The following CCM2 variants were observed in gnomAD, a reference collection of about 807,000 sequenced individuals.
The protein encoded by CCM2 is cerebral cavernous malformations 2 protein.
Under a neutral mutation model 44.9 loss-of-function variants are expected in CCM2, and 25 were observed. That is an observed-to-expected ratio of 0.56 (90% CI 0.41 to 0.78). The LOEUF (loss-of-function observed/expected upper bound fraction) is 0.78. Among genes scored for constraint, CCM2 ranks in the 30% least tolerant of loss-of-function variants. CCM2 has a pLI of 0.00. For synonymous variants in CCM2, 219 were observed against 241.1 expected (o/e 0.91, Z 0.85); for missense variants, 481 against 580.6 (o/e 0.83, Z 1.76).
intron 2 of CCM2, among the ~76,000 whole-genome samples, chr7:45,042,395 G>GT (rs1797556021): frequency 6.6e-6 from 1 of 152,104 alleles, no homozygotes; most frequent in South Asian, 2.1e-4. Flanking sequence ...GATCTTATGG[G>GT]TTGAAACGTT....
intron 1 of CCM2, among the ~76,000 whole-genome samples, chr7:45,003,473 A>G (rs1795726109): frequency 1.3e-5 from 2 of 152,108 alleles, no homozygotes; most frequent in South Asian, 4.2e-4. Flanking sequence ...GGTTGGGTGT[A>G]GGTAATCCTA....
chr7:45,018,455 C>G (rs2128717577), intron 1 of CCM2, among the ~76,000 whole-genome samples: 1 of 152,050 alleles, frequency 6.6e-6, no homozygotes, highest in East Asian at 1.9e-4. Context: ...CTCCTGGGTT[C>G]AAGTGATTCT....
chr7:45,074,201 C>T, intron 8 of CCM2, 69 bp from the exon 9 acceptor site: 1 of 1,607,670 alleles, frequency 6.2e-7, no homozygotes, highest in Non-Finnish European at 8.5e-7. Flanking sequence ...GTGGCTGTGG[C>T]AAGGTGGGCC....
At position 45,029,010 on chromosome 7, in the gene CCM2, G is replaced by T. The variant is rs553222692; in HGVS notation, c.31-9243G>T. On this transcript the variant is annotated intron_variant, in intron 1 of 9. Transcript: ENST00000258781. Reference sequence around the variant, plus strand: ...TGGGACTATAGCCTATCACTGTCCAGCTGGACAGAATCATCGCTCCAGGTT... The same window carrying T: ...TGGGACTATAGCCTATCACTGTCCATCTGGACAGAATCATCGCTCCAGGTT... Among the ~76,000 whole-genome samples, 5 of 152,284 alleles carry T rather than the reference G, an allele frequency of 3.3e-5. No homozygotes were observed. In the South Asian group the frequency reaches 1.0e-3, roughly 32 times the overall value.
At chr7:45,036,948 C>T (rs1269372699) in intron 1 of CCM2, among the ~76,000 whole-genome samples, 3 of 152,122 alleles carry the variant, frequency 2.0e-5, no homozygotes, top group African/African-American at 4.8e-5. Flanking sequence ...TCTCCTCCTG[C>T]GTTTCCTCTG....
intron 6 of CCM2, chr7:45,070,505 A>G: frequency 2.2e-6 from 1 of 455,548 alleles, no homozygotes; most frequent in South Asian, 1.6e-5. Flanking sequence ...CTCTTCCTGC[A>G]TGGCCCACAC....
rs1211875723 is a variant in CCM2 at position 45,038,445 on chromosome 7, C to T, written c.204+19C>T. The T allele has an allele frequency of 4.3e-6, 7 of 1,613,166 alleles. No homozygotes were observed. Among genetic ancestry groups the T allele is most frequent in the African/African-American group, 1.3e-5 (1 of 74,908 alleles). ...GGTAAAGGTAAGTCGTCATGGGCCACAGGACGTGCCTGCCAAACGACAGTG... is the reference window on the plus strand; with the variant it reads ...GGTAAAGGTAAGTCGTCATGGGCCATAGGACGTGCCTGCCAAACGACAGTG... On this transcript the variant is annotated intron_variant, in intron 2 of 9. Coordinates refer to ENST00000258781, the MANE Select transcript of CCM2 (RefSeq NM_031443.4).
At chr7:45,000,457 G>GT (rs1403112546) in intron 1 of CCM2, 94 bp downstream of exon 1, 3 of 337,320 alleles carry the variant, frequency 8.9e-6, no homozygotes, top group East Asian at 4.6e-5. Flanking sequence ...TGGGGCCCGG[G>GT]GGGGGGGGCA....
At chr7:45,070,611 T>C in intron 6 of CCM2, 1 of 354,528 alleles carries the variant, frequency 2.8e-6, no homozygotes, top group South Asian at 2.1e-5. Flanking sequence ...TTCAGATGTA[T>C]TACTTATTGA....
In CCM2 at chr7:45,074,356, C is replaced by A; in HGVS notation, c.1002C>A (p.Phe334Leu). The A allele has an allele frequency of 6.2e-7, 1 of 1,613,772 alleles. No individual in the cohort carries two copies. Among genetic ancestry groups the A allele is most frequent in the Non-Finnish European group, 8.5e-7 (1 of 1,180,028 alleles). Residue 334 changes from phenylalanine (F) to leucine (L), a missense_variant, in exon 9 of 10, where the codon TTC becomes TTA. Transcript: ENST00000258781. ...EYRNGASIHE[F>L]CINLRQLYGD... The stretch of plus-strand genomic sequence containing the variant: ...GCAATGGGGCCTCTATCCACGAGTT[C>A]TGCATCAACCTGCGGCAGCTCTACG...
At chr7:45,027,666 C>T (rs761290961) in intron 1 of CCM2, 3 of 1,614,032 alleles carry the variant, frequency 1.9e-6, no homozygotes, top group Non-Finnish European at 1.7e-6. Context: ...GGGCTAACAT[C>T]TGGCCATATT....
chr7:45,056,176 TTTTA>T lies in CCM2; in HGVS notation c.205-7738_205-7735del, dbSNP rs770211067. On this transcript the variant is annotated intron_variant, in intron 2 of 9. Transcript: ENST00000258781. ...TACAAATGTCTTTTCAAGCCCCTGCTTTTATTTCTTTTGTATATATACCCAGAAG... is the reference window on the plus strand; with the variant it reads ...TACAAATGTCTTTTCAAGCCCCTGCTTTTCTTTTGTATATATACCCAGAAG... 3.9e-5 allele frequency among the ~76,000 whole-genome samples: 6 copies of T among 152,210 alleles called. No individual in the cohort carries two copies. In the East Asian group the frequency reaches 7.7e-4, roughly 20 times the overall value.
intron 1 of CCM2, among the ~76,000 whole-genome samples, chr7:45,021,535 A>G (rs2128718983): frequency 1.3e-5 from 2 of 151,556 alleles, no homozygotes; most frequent in East Asian, 3.9e-4. Flanking sequence ...CTGCACTCCA[A>G]TCTGGGCGAC....
At chr7:45,001,864 A>C (rs1795649205) in intron 1 of CCM2, among the ~76,000 whole-genome samples, 1 of 152,218 alleles carries the variant, frequency 6.6e-6, no homozygotes, top group Non-Finnish European at 1.5e-5. Flanking sequence ...TTTAGGCATA[A>C]ACAGGTTAAT....
At chr7:45,004,094 C>T (rs997466610) in intron 1 of CCM2, among the ~76,000 whole-genome samples, 1 of 152,064 alleles carries the variant, frequency 6.6e-6, no homozygotes, top group Non-Finnish European at 1.5e-5. Flanking sequence ...AAGGGAAGAT[C>T]GCTTGAGCCC....
chr7:45,075,826 C>T lies in CCM2; in HGVS notation c.1104C>T (p.Phe368=). 4 of 1,613,784 alleles carry T rather than the reference C, an allele frequency of 2.5e-6. No individual in the cohort carries two copies. The highest frequency in any genetic ancestry group is 2.2e-5 in the East Asian group (1 of 44,884). ...PEKDSQHFEN[F]LETIGVKDGR... ...AGGACAGCCAGCACTTCGAGAACTT[C>T]CTGGAGACCATTGGCGTGAAGGATG... Residue 368 remains phenylalanine, a synonymous_variant, in exon 10 of 10, where the codon TTC becomes TTT. Transcript: ENST00000258781.
intron 1 of CCM2, among the ~76,000 whole-genome samples, chr7:45,030,316 G>A (rs1796900333): frequency 6.6e-6 from 1 of 152,218 alleles, no homozygotes. Flanking sequence ...GGTTGCCTGG[G>A]CTAATCCCAC....
intron 5 of CCM2, 73 bp from the exon 6 acceptor site, chr7:45,069,753 G>C: frequency 6.3e-7 from 1 of 1,597,734 alleles, no homozygotes; most frequent in South Asian, 1.1e-5. Context: ...GCTGCCCCAG[G>C]TATCCTGGAA....
At chr7:45,029,383 G>T (rs1418109551) in intron 1 of CCM2, 2 of 152,210 alleles carry the variant, frequency 1.3e-5, no homozygotes, top group African/African-American at 4.8e-5. Flanking sequence ...GAACCCTGTA[G>T]CAGAGACATG....
Sources: allele counts gnomAD v4.1 joint callset (sites outside exome capture counted in the v4.1 genomes callset), GRCh38; gene constraint gnomAD v4.1.1; transcripts MANE v1.5; gene names NCBI Gene and HGNC (gene_info 2026-07-23, HGNC 2026-07-21).